Variants in RBFOX1 observed in about 807,000 individuals in gnomAD.
The protein encoded by RBFOX1 is RNA binding fox-1 homolog 1.
Under a neutral mutation model 57.7 loss-of-function variants are expected in RBFOX1, and 8 were observed. The observed-to-expected ratio is 0.14, with a 90% confidence interval of 0.08 to 0.25. The LOEUF is 0.25. RBFOX1 is among the 10% of genes least tolerant of loss of function. The pLI is 1.00. For missense variants in RBFOX1, 611 were observed against 548.5 expected, an observed-to-expected ratio of 1.11 and a Z score of -1.14; for synonymous variants, 326 against 222.4, an observed-to-expected ratio of 1.47 and a Z score of -4.15.
intron 3 of RBFOX1, among the ~76,000 whole-genome samples, chr16:6,892,795 TC>T (rs1277980661): frequency 1.2e-5 from 1 of 84,960 alleles, no homozygotes; most frequent in Non-Finnish European, 2.8e-5. Flanking sequence ...TCTCTCTCTC[TC>T]TCTCTCTCTC....
At chr16:5,304,749 G>C (rs1462172684) in intron 1 of RBFOX1, among the ~76,000 whole-genome samples, 1 of 152,104 alleles carries the variant, frequency 6.6e-6, no homozygotes, top group Non-Finnish European at 1.5e-5. Context: ...CTGGTCATGA[G>C]AGCGATGAAG....
At chr16:6,128,465 A>C (rs139840053) in intron 1 of RBFOX1, among the ~76,000 whole-genome samples, 2 of 152,294 alleles carry the variant, frequency 1.3e-5, no homozygotes, top group African/African-American at 4.8e-5. Context: ...CTTGGAGAGA[A>C]GGGAGACACC....
intron 2 of RBFOX1, among the ~76,000 whole-genome samples, chr16:5,576,595 T>G (rs539999490): frequency 1.3e-5 from 2 of 152,366 alleles, no homozygotes; most frequent in Admixed American, 6.5e-5. Flanking sequence ...AGGTTTTGCA[T>G]TAACGGGAAC....
In RBFOX1 at chr16:6,320,625, C is replaced by G. The variant is rs12597219; in HGVS notation, c.-64+3568C>G. Among the ~76,000 whole-genome samples the G allele has an allele frequency of 8.8e-4, 134 of 152,014 alleles. 1 individual carries two copies. The highest frequency in any genetic ancestry group is 1.2e-3 in the Non-Finnish European group (84 of 68,012). ...CATACTTATCACCTTACATAGTTAA[C>G]CCTGCTAAGAGAATAGATAAGGAAT... is the stretch of plus-strand genomic sequence containing the variant. On this transcript the variant is annotated intron_variant, in intron 2 of 15. Coordinates refer to ENST00000550418, the MANE Select transcript of RBFOX1 (RefSeq NM_018723.4).
At chr16:7,032,813 G>A (rs981650922) in intron 3 of RBFOX1, among the ~76,000 whole-genome samples, 5 of 152,176 alleles carry the variant, frequency 3.3e-5, no homozygotes, top group Non-Finnish European at 5.9e-5. Context: ...CTAAAAATGC[G>A]TTTGGTGTCT....
intron 3 of RBFOX1, among the ~76,000 whole-genome samples, chr16:6,943,380 A>G (rs2078898905): frequency 6.6e-6 from 1 of 152,162 alleles, no homozygotes; most frequent in Non-Finnish European, 1.5e-5. Context: ...CAGCTAGCTT[A>G]ATAGACAGAC....
At chr16:6,644,893 A>G (rs570994491) in intron 2 of RBFOX1, among the ~76,000 whole-genome samples, 2 of 152,212 alleles carry the variant, frequency 1.3e-5, no homozygotes, top group African/African-American at 2.4e-5. Context: ...AAGAGAGATC[A>G]GCACAAAGAG....
chr16:7,506,291 C>G (rs938532785), intron 4 of RBFOX1, among the ~76,000 whole-genome samples: 5 of 148,924 alleles, frequency 3.4e-5, no homozygotes, highest in Non-Finnish European at 7.4e-5. Flanking sequence ...CTGAATTCAT[C>G]TCCAAGTATT....
intron 4 of RBFOX1, among the ~76,000 whole-genome samples, chr16:7,420,406 C>T (rs780332515): frequency 6.6e-6 from 1 of 152,066 alleles, no homozygotes. Flanking sequence ...TTGGTAGTTA[C>T]AGCAATAAAA....
intron 4 of RBFOX1, among the ~76,000 whole-genome samples, chr16:7,262,623 C>G (rs1158515214): frequency 2.6e-5 from 4 of 152,254 alleles, no homozygotes; most frequent in African/African-American, 4.8e-5. Flanking sequence ...TCTGGCTCAT[C>G]TCTGCAGCTT....
chr16:6,103,763 A>G (rs953710797), intron 1 of RBFOX1, among the ~76,000 whole-genome samples: 3 of 152,160 alleles, frequency 2.0e-5, no homozygotes, highest in Non-Finnish European at 2.9e-5. Flanking sequence ...AGAACCAGTC[A>G]TGTGACCTCC....
chr16:6,233,397 C>T (rs994973856), intron 1 of RBFOX1, among the ~76,000 whole-genome samples: 11 of 152,110 alleles, frequency 7.2e-5, no homozygotes, highest in African/African-American at 2.2e-4. Context: ...GGGGATCTGA[C>T]GAACCCCTGC....
chr16:6,986,385 G>T (rs1568233950), intron 3 of RBFOX1, among the ~76,000 whole-genome samples: 1 of 151,992 alleles, frequency 6.6e-6, no homozygotes, highest in African/African-American at 2.4e-5. Flanking sequence ...TTCTAGTAGA[G>T]ACGGGGTTTC....
rs1054496120 is a variant in RBFOX1 at position 7,289,382 on chromosome 16, T to C, written c.28-228765T>C. ...TTTACAATCAACAGTAGCCAGATTA[T>C]CATTACCGATACCAACATTACCACC... On this transcript the variant is annotated intron_variant, in intron 4 of 15. Coordinates refer to ENST00000550418, the MANE Select transcript of RBFOX1 (RefSeq NM_018723.4). 3.9e-5 allele frequency among the ~76,000 whole-genome samples: 6 copies of C among 152,040 alleles called. No homozygotes were observed. In the South Asian group the frequency reaches 1.3e-3, roughly 32 times the overall value.
At chr16:5,682,466 G>C (rs1488141015) in intron 3 of RBFOX1, among the ~76,000 whole-genome samples, 1 of 152,164 alleles carries the variant, frequency 6.6e-6, no homozygotes, top group Non-Finnish European at 1.5e-5. Flanking sequence ...TTTGACAATC[G>C]GTCCGTCTAG....
chr16:7,056,159 A>C (rs986871663), intron 4 of RBFOX1, among the ~76,000 whole-genome samples: 1 of 152,172 alleles, frequency 6.6e-6, no homozygotes, highest in African/African-American at 2.4e-5. Flanking sequence ...GATGCTGTCC[A>C]TGAGCTTCCT....
chr16:6,601,671 G>T (rs1049602094), intron 2 of RBFOX1, among the ~76,000 whole-genome samples: 1 of 152,102 alleles, frequency 6.6e-6, no homozygotes, highest in Non-Finnish European at 1.5e-5. Context: ...TAAAAAGAAC[G>T]TATAAGAGGT....
intron 3 of RBFOX1, among the ~76,000 whole-genome samples, chr16:6,685,979 G>A (rs1316140460): frequency 6.6e-6 from 1 of 152,136 alleles, no homozygotes; most frequent in Non-Finnish European, 1.5e-5. Flanking sequence ...AAACCAAGCA[G>A]GTTCTGTCTA....
At chr16:5,317,701 G>C (rs2064281591) in intron 1 of RBFOX1, among the ~76,000 whole-genome samples, 2 of 152,146 alleles carry the variant, frequency 1.3e-5, no homozygotes, top group African/African-American at 4.8e-5. Flanking sequence ...CTCAAGAAAT[G>C]TTTGTTTTCT....
Sources: allele counts gnomAD v4.1 joint callset (sites outside exome capture counted in the v4.1 genomes callset), GRCh38; gene constraint gnomAD v4.1.1; transcripts MANE v1.5; gene names NCBI Gene and HGNC (gene_info 2026-07-23, HGNC 2026-07-21).